LIN7A: variants seen among roughly 807,000 people sequenced by gnomAD.
LIN7A encodes protein lin-7 homolog A.
In LIN7A, 25 loss-of-function variants were observed where a neutral mutation model predicts 29.8. The ratio of observed to expected loss-of-function variants is 0.84; its 90% CI spans 0.61 to 1.17. The LOEUF (loss-of-function observed/expected upper bound fraction) is 1.17. LIN7A is among the 50% of genes most tolerant of loss of function. LIN7A has a pLI of 0.00. For missense variants in LIN7A, 239 were observed against 287.0 expected, an observed-to-expected ratio of 0.83 and a Z score of 1.21; for synonymous variants, 118 against 107.5, an observed-to-expected ratio of 1.10 and a Z score of -0.60.
At chr12:80,857,933 A>C (rs1376715600) in intron 2 of LIN7A, among the ~76,000 whole-genome samples, 2 of 152,106 alleles carry the variant, frequency 1.3e-5, no homozygotes, top group South Asian at 4.1e-4. Flanking sequence ...GGATGGGGAG[A>C]CCCTCTAGGA....
intron 3 of LIN7A, among the ~76,000 whole-genome samples, chr12:80,847,472 A>C (rs1873131519): frequency 6.6e-6 from 1 of 152,250 alleles, no homozygotes; most frequent in Admixed American, 6.5e-5. Flanking sequence ...GATGTAACAC[A>C]AAATAATTAA....
intron 1 of LIN7A, among the ~76,000 whole-genome samples, chr12:80,919,927 T>G (rs1228036070): frequency 2.6e-5 from 4 of 151,920 alleles, no homozygotes; most frequent in African/African-American, 9.7e-5. Context: ...CACAAGCAAT[T>G]GCAGTCTACC....
chr12:80,873,805 TA>T (rs539825762), intron 2 of LIN7A, among the ~76,000 whole-genome samples: 38 of 151,942 alleles, frequency 2.5e-4, no homozygotes, highest in East Asian at 7.7e-4. Context: ...TGGTATCTTA[TA>T]TTTTTTTTAT....
chr12:80,927,319 G>A (rs1166566253), intron 1 of LIN7A, among the ~76,000 whole-genome samples: 1 of 151,848 alleles, frequency 6.6e-6, no homozygotes, highest in Non-Finnish European at 1.5e-5. Flanking sequence ...CCGCCACCGC[G>A]CCCAGCTAAT....
chr12:80,921,640 A>T (rs1877314982), intron 1 of LIN7A, among the ~76,000 whole-genome samples: 1 of 151,860 alleles, frequency 6.6e-6, no homozygotes, highest in South Asian at 2.1e-4. Flanking sequence ...TTCTGACTTC[A>T]TGGAAACCTA....
chr12:80,880,511 T>C (rs184648802), intron 2 of LIN7A, among the ~76,000 whole-genome samples: 1 of 152,208 alleles, frequency 6.6e-6, no homozygotes, highest in Admixed American at 6.5e-5. Flanking sequence ...GTCTGTGAAA[T>C]TATTTTAACA....
At chr12:80,910,357 T>C (rs771044321) in intron 1 of LIN7A, among the ~76,000 whole-genome samples, 2 of 152,164 alleles carry the variant, frequency 1.3e-5, no homozygotes, top group Non-Finnish European at 2.9e-5. Flanking sequence ...CATTCAAATC[T>C]ATATTACGTA....
At chr12:80,923,389 T>G (rs1396986710) in intron 1 of LIN7A, among the ~76,000 whole-genome samples, 5 of 152,116 alleles carry the variant, frequency 3.3e-5, no homozygotes, top group African/African-American at 1.2e-4. Context: ...TTTATAGCTG[T>G]ATATCTTGCT....
intron 4 of LIN7A, among the ~76,000 whole-genome samples, chr12:80,828,913 T>C (rs1872213128): frequency 6.6e-6 from 1 of 152,128 alleles, no homozygotes. Flanking sequence ...CTGGAACGGA[T>C]TGAGGAAAAC....
At chr12:80,807,063 GTTTTTTTTTTTTT>G (rs71094991) in intron 5 of LIN7A, among the ~76,000 whole-genome samples, 2 of 53,592 alleles carry the variant, frequency 3.7e-5, no homozygotes, top group African/African-American at 1.7e-4. Context: ...TGAAGATGGA[GTTTTTTTTTTTTT>G]TTTTTTTTTT....
At chr12:80,800,489 CAAAAAAAAAAAAAAA>C (rs55772850) in intron 5 of LIN7A, among the ~76,000 whole-genome samples, 14 of 38,068 alleles carry the variant, frequency 3.7e-4, no homozygotes, top group African/African-American at 1.1e-3. Context: ...AACTCCGTCT[CAAAAAAAAAAAAAAA>C]AAAAAAAAAA....
At chr12:80,868,924 C>T (rs1383275844) in intron 2 of LIN7A, among the ~76,000 whole-genome samples, 1 of 152,076 alleles carries the variant, frequency 6.6e-6, no homozygotes, top group Non-Finnish European at 1.5e-5. Context: ...AGAGACTTTT[C>T]CAGTGTTAAA....
chr12:80,896,906 G>C (rs78541501), intron 1 of LIN7A, among the ~76,000 whole-genome samples: 2 of 152,038 alleles, frequency 1.3e-5, no homozygotes, highest in African/African-American at 4.8e-5. Flanking sequence ...ATTCTCTGGA[G>C]GTACTTATTT....
chr12:80,907,053 C>CTGTGTGTGTGTGTGTG lies in LIN7A; in HGVS notation c.83-17685_83-17684insCACACACACACACACA, dbSNP rs1491359652. Among the ~76,000 whole-genome samples the CTGTGTGTGTGTGTGTG allele has an allele frequency of 7.1e-3, 939 of 132,988 alleles. 28 individuals are homozygous for CTGTGTGTGTGTGTGTG. The highest frequency in any genetic ancestry group is 0.01 in the Non-Finnish European group (655 of 64,408). 87.2% of individuals were successfully genotyped at this position (132,988 alleles called of 152,430 possible). A position where few individuals can be genotyped will look rare whatever the true frequency, so the allele number is the denominator to read the frequency against. On this transcript the variant is annotated intron_variant, in intron 1 of 5. Coordinates refer to ENST00000552864, the MANE Select transcript of LIN7A (RefSeq NM_004664.4). Reference sequence around the variant, plus strand: ...AATAGAACATACCTCAGAGTGCGTGCTCTGTGTGTGTGTGTGTGTGTGTGT... The same window carrying CTGTGTGTGTGTGTGTG: ...AATAGAACATACCTCAGAGTGCGTGCTGTGTGTGTGTGTGTGTCTGTGTGTGTGTGTGTGTGTGTGT...
At chr12:80,908,307 A>T (rs1876586327) in intron 1 of LIN7A, among the ~76,000 whole-genome samples, 1 of 152,122 alleles carries the variant, frequency 6.6e-6, no homozygotes, top group Admixed American at 6.6e-5. Flanking sequence ...TTTCTAAATC[A>T]ATACTCACAT....
chr12:80,927,652 C>T (rs1286250074), intron 1 of LIN7A, among the ~76,000 whole-genome samples: 1 of 152,164 alleles, frequency 6.6e-6, no homozygotes, highest in Non-Finnish European at 1.5e-5. Flanking sequence ...ACTTAGCGCC[C>T]TAACTACCAA....
At chr12:80,867,824 C>T (rs192739611) in intron 2 of LIN7A, among the ~76,000 whole-genome samples, 63 of 152,276 alleles carry the variant, frequency 4.1e-4, no homozygotes, top group African/African-American at 1.5e-3. Context: ...TATCACTAAA[C>T]ATCAAGTATT....
intron 1 of LIN7A, among the ~76,000 whole-genome samples, chr12:80,924,507 T>C (rs976368296): frequency 2.6e-4 from 39 of 152,194 alleles, no homozygotes; most frequent in Non-Finnish European, 1.2e-4. Context: ...CAACCTTATA[T>C]GGCAGAGACT....
chr12:80,823,101 C>T (rs918614808), intron 4 of LIN7A, among the ~76,000 whole-genome samples: 2 of 152,238 alleles, frequency 1.3e-5, no homozygotes, highest in Non-Finnish European at 2.9e-5. Context: ...TGTTCTGTTG[C>T]TCAATAAAGC....
Sources: allele counts gnomAD v4.1 joint callset (sites outside exome capture counted in the v4.1 genomes callset), GRCh38; gene constraint gnomAD v4.1.1; transcripts MANE v1.5; gene names NCBI Gene and HGNC (gene_info 2026-07-23, HGNC 2026-07-21).